Variants in VRK1 observed in about 807,000 individuals in gnomAD.
The protein encoded by VRK1 is VRK serine/threonine kinase 1.
VRK1 carries 33 observed loss-of-function variants against 57.1 expected under a neutral mutation model. That is an observed-to-expected ratio of 0.58 (90% CI 0.44 to 0.77). The LOEUF is 0.77. Among genes scored for constraint, VRK1 ranks in the 30% least tolerant of loss-of-function variants. The probability of loss-of-function intolerance (pLI) is 0.00; values close to 1 mark genes in which losing one functional copy is unlikely to be tolerated. For synonymous variants in VRK1, 137 were observed against 147.8 expected (o/e 0.93, Z 0.53); for missense variants, 413 against 477.3 (o/e 0.87, Z 1.25).
chr14:96,839,846 T>C (rs1029496549), intron 3 of VRK1, among the ~76,000 whole-genome samples: 5 of 152,186 alleles, frequency 3.3e-5, no homozygotes, highest in Admixed American at 1.3e-4. Flanking sequence ...TTTTTCTACA[T>C]CTGAGATGAA....
intron 9 of VRK1, 128 bp from the exon 10 acceptor site, chr14:96,856,400 T>A: frequency 7.3e-7 from 1 of 1,366,576 alleles, no homozygotes; most frequent in Non-Finnish European, 1.0e-6. Flanking sequence ...GGTCTTTTGT[T>A]TATTTTAGAA....
intron 9 of VRK1, 70 bp downstream of exon 9, chr14:96,856,320 A>T (rs1011451768): frequency 6.4e-7 from 1 of 1,558,182 alleles, no homozygotes; most frequent in African/African-American, 1.4e-5. Flanking sequence ...CAATTTCTTG[A>T]TAGGAACTAT....
At chr14:96,869,187 GATA>G (rs1888713905) in intron 11 of VRK1, among the ~76,000 whole-genome samples, 1 of 152,200 alleles carries the variant, frequency 6.6e-6, no homozygotes, top group South Asian at 2.1e-4. Flanking sequence ...AGGAATAAAA[GATA>G]TAAAGTGCTT....
chr14:96,822,237 C>T (rs1401083616), intron 1 of VRK1, among the ~76,000 whole-genome samples: 2 of 152,098 alleles, frequency 1.3e-5, no homozygotes, highest in Non-Finnish European at 1.5e-5. Flanking sequence ...TAGAACAGTT[C>T]CTGCACAGAG....
rs1252184007 is a variant in VRK1 at position 96,853,165 on chromosome 14, A to G, written c.575A>G (p.Gln192Arg). ...NLLLNYKNPD[Q>R]VYLVDYGLAY... ...CTTCTGAACTACAAGAATCCTGACC[A>G]GGTAGTTTTATAACTTTAATTTCTA... The change falls in exon 7 of 13, where the codon CAG becomes CGG. Residue 192 changes from glutamine to arginine, a missense_variant and splice_region_variant. Physicochemically the swap from Gln to Arg is conservative, Grantham distance 43 (BLOSUM62 1). This residue lies in a region of VRK1 where 151 missense variants were observed against 225.5 expected (regional missense o/e 0.67). Transcript: ENST00000216639. The G allele has an allele frequency of 6.2e-7, 1 of 1,612,218 alleles. No homozygotes were observed. The highest frequency in any genetic ancestry group is 2.2e-5 in the East Asian group (1 of 44,838).
chr14:96,821,863 T>C, intron 1 of VRK1, among the ~76,000 whole-genome samples: 1 of 152,324 alleles, frequency 6.6e-6, no homozygotes, highest in African/African-American at 2.4e-5. Context: ...CCCTTGCTGT[T>C]TCTAGAACAA....
intron 1 of VRK1, among the ~76,000 whole-genome samples, chr14:96,828,864 G>C (rs763094373): frequency 3.9e-5 from 6 of 152,208 alleles, no homozygotes; most frequent in African/African-American, 1.4e-4. Context: ...GATTGACAGG[G>C]CCTTTGGTTG....
rs369000302 is a variant in VRK1, at chr14:96,856,100, C to A, written c.710-30C>A. The stretch of plus-strand genomic sequence containing the variant: ...ATTATACATTAAAAATTATTTCAGT[C>A]TACCTAATGTTCTTCTCTTGCATTT... On this transcript the variant is annotated intron_variant, in intron 8 of 12. Transcript: ENST00000216639. 5 of 1,610,540 alleles carry A rather than the reference C, an allele frequency of 3.1e-6. No individual in the cohort carries two copies. The African/African-American group carries it at 4.0e-5, about 13-fold the overall frequency.
At chr14:96,798,212 G>C (rs753588514) in intron 1 of VRK1, among the ~76,000 whole-genome samples, 16 of 152,170 alleles carry the variant, frequency 1.1e-4, no homozygotes, top group Non-Finnish European at 2.1e-4. Context: ...TCCTCATTCT[G>C]TCCTTACCTG....
At chr14:96,869,924 T>G (rs1478649408) in intron 11 of VRK1, among the ~76,000 whole-genome samples, 1 of 152,186 alleles carries the variant, frequency 6.6e-6, no homozygotes, top group Non-Finnish European at 1.5e-5. Context: ...TTGAGATTAG[T>G]TAACTCCCCA....
chr14:96,868,411 A>G (rs1250040698), intron 11 of VRK1, among the ~76,000 whole-genome samples: 3 of 152,224 alleles, frequency 2.0e-5, no homozygotes, highest in Non-Finnish European at 2.9e-5. Context: ...CATTATGCAG[A>G]CATAGTTAAG....
chr14:96,872,345 A>T (rs1415594502), intron 11 of VRK1, among the ~76,000 whole-genome samples: 2 of 152,220 alleles, frequency 1.3e-5, no homozygotes, highest in African/African-American at 4.8e-5. Context: ...GTTACTCTAC[A>T]GGTGCACATC....
intron 1 of VRK1, among the ~76,000 whole-genome samples, chr14:96,803,413 C>T (rs939090610): frequency 3.9e-5 from 6 of 152,008 alleles, no homozygotes; most frequent in South Asian, 2.1e-4. Flanking sequence ...TCAGGTGATC[C>T]GCCTGCCTCT....
chr14:96,879,804 C>G lies in VRK1; in HGVS notation c.1160-1373C>G, dbSNP rs1177989460. ...ATTACCTGGGCGTGGTGACAGGCAC[C>G]TGTAATCTCAGCTACTCTGGAGGCT... On this transcript the variant is annotated intron_variant, in intron 12 of 12. Coordinates refer to ENST00000216639, the MANE Select transcript of VRK1 (RefSeq NM_003384.3). 4.7e-4 allele frequency among the ~76,000 whole-genome samples: 72 copies of G among 151,952 alleles called. 3 individuals are homozygous for G. The highest frequency in any genetic ancestry group is 4.7e-3 in the Admixed American group (71 of 15,252).
intron 1 of VRK1, among the ~76,000 whole-genome samples, chr14:96,808,823 A>G (rs1295546819): frequency 2.6e-5 from 4 of 152,110 alleles, no homozygotes; most frequent in Admixed American, 2.6e-4. Flanking sequence ...GTAACACACC[A>G]CTCCAAACTT....
intron 1 of VRK1, among the ~76,000 whole-genome samples, chr14:96,821,969 CTTTTTT>C (rs71103554): frequency 7.0e-6 from 1 of 142,916 alleles, no homozygotes; most frequent in African/African-American, 2.6e-5. Context: ...GATTCTCTCA[CTTTTTT>C]TTTTTTTTTA....
At chr14:96,838,437 T>C (rs1027692566) in intron 3 of VRK1, among the ~76,000 whole-genome samples, 11 of 152,202 alleles carry the variant, frequency 7.2e-5, no homozygotes, top group African/African-American at 2.7e-4. Context: ...TGTGCCTTTT[T>C]GCTTACCAAC....
At chr14:96,850,264 C>T (rs1024103388) in intron 5 of VRK1, among the ~76,000 whole-genome samples, 3 of 152,096 alleles carry the variant, frequency 2.0e-5, no homozygotes, top group Non-Finnish European at 2.9e-5. Flanking sequence ...CTTAGTTTTC[C>T]TTGTAACTCA....
intron 2 of VRK1, among the ~76,000 whole-genome samples, 181 bp from the exon 3 acceptor site, chr14:96,837,581 A>G (rs796949117): frequency 4.3e-4 from 65 of 152,322 alleles, no homozygotes; most frequent in African/African-American, 1.4e-3. Context: ...TTCTCAATTC[A>G]GATATGTTAA....
Sources: allele counts gnomAD v4.1 joint callset (sites outside exome capture counted in the v4.1 genomes callset), GRCh38; gene constraint gnomAD v4.1.1; regional missense constraint gnomAD v4.1.1; transcripts MANE v1.5; gene names NCBI Gene and HGNC (gene_info 2026-07-23, HGNC 2026-07-21).